Variants in ATG7 observed in about 807,000 individuals in gnomAD.
ATG7 encodes autophagy related 7, also known as ubiquitin-like modifier-activating enzyme ATG7.
Under a neutral mutation model 82.4 loss-of-function variants are expected in ATG7, and 70 were observed. The ratio of observed to expected loss-of-function variants is 0.85; its 90% CI spans 0.70 to 1.04. The LOEUF (loss-of-function observed/expected upper bound fraction) is 1.04. Ranked by LOEUF, ATG7 falls within the 50% of genes least tolerant of loss-of-function variation. ATG7 has a pLI of 0.00. For synonymous variants in ATG7, 287 were observed against 313.0 expected, an observed-to-expected ratio of 0.92 and a Z score of 0.88; for missense variants, 792 against 864.3, an observed-to-expected ratio of 0.92 and a Z score of 1.05.
chr3:11,515,340 G>A (rs1254785123), intron 20 of ATG7, among the ~76,000 whole-genome samples: 2 of 151,962 alleles, frequency 1.3e-5, no homozygotes, highest in Non-Finnish European at 2.9e-5. Flanking sequence ...GTCTCGCTCT[G>A]TTGCCTAGGC....
intron 20 of ATG7, among the ~76,000 whole-genome samples, chr3:11,440,929 C>T (rs2083883602): frequency 2.0e-5 from 3 of 151,940 alleles, no homozygotes; most frequent in Non-Finnish European, 2.9e-5. Context: ...GGTGATCCAC[C>T]TGCCTCGGCC....
chr3:11,559,274 G>C (rs2072744344), downstream of ATG7: 3 of 1,473,866 alleles, frequency 2.0e-6, no homozygotes, highest in African/African-American at 1.4e-5. Flanking sequence ...GCATGACAGA[G>C]AAGGGCTCTG....
At chr3:11,521,646 G>A (rs2092446031) in intron 20 of ATG7, among the ~76,000 whole-genome samples, 1 of 151,924 alleles carries the variant, frequency 6.6e-6, no homozygotes, top group East Asian at 1.9e-4. Flanking sequence ...TCCACCTCCT[G>A]GGTTCACGCC....
chr3:11,574,785 ATGTGTGTG>A, the ATG7 span, among the ~76,000 whole-genome samples: 5,220 of 121,726 alleles, frequency 0.043, 110 homozygotes, highest in Non-Finnish European at 0.057. Context: ...TCAACTATAT[ATGTGTGTG>A]TGTGTGTGTG....
chr3:11,378,027 A>ATTTTTTTTTTT (rs61176051), intron 18 of ATG7, among the ~76,000 whole-genome samples: 1,410 of 92,634 alleles, frequency 0.015, 273 homozygotes, highest in African/African-American at 0.073. Context: ...CCAGTTACCA[A>ATTTTTTTTTTT]TTTTTTTTTT....
At chr3:11,307,791 A>G (rs1028230816) in intron 6 of ATG7, among the ~76,000 whole-genome samples, 6 of 152,298 alleles carry the variant, frequency 3.9e-5, no homozygotes, top group African/African-American at 1.4e-4. Flanking sequence ...TCTTTATACC[A>G]GTCTTTATCA....
chr3:11,465,471 G>A (rs918392229), intron 20 of ATG7, among the ~76,000 whole-genome samples: 25 of 149,622 alleles, frequency 1.7e-4, no homozygotes, highest in African/African-American at 5.2e-4. Context: ...GAGCCTGTAA[G>A]TCTGGGTGCA....
At chr3:11,316,632 A>G (rs1484234576) in intron 9 of ATG7, among the ~76,000 whole-genome samples, 1 of 152,200 alleles carries the variant, frequency 6.6e-6, no homozygotes, top group Non-Finnish European at 1.5e-5. Flanking sequence ...CCAAGAGGGC[A>G]GGGCCCAAGT....
At chr3:11,354,088 C>T (rs2075760024) in intron 14 of ATG7, among the ~76,000 whole-genome samples, 1 of 152,142 alleles carries the variant, frequency 6.6e-6, no homozygotes, top group Non-Finnish European at 1.5e-5. Context: ...CGTATTCTGG[C>T]CCCAGACCTT....
intron 7 of ATG7, among the ~76,000 whole-genome samples, chr3:11,312,544 C>T (rs555812520): frequency 2.0e-4 from 30 of 152,338 alleles, no homozygotes; most frequent in African/African-American, 6.7e-4. Context: ...TGGCTCTAAT[C>T]ATGCACTCGC....
intron 18 of ATG7, among the ~76,000 whole-genome samples, chr3:11,371,110 G>T (rs1375445167): frequency 6.6e-6 from 1 of 151,150 alleles, no homozygotes; most frequent in Non-Finnish European, 1.5e-5. Context: ...CTGAACACAG[G>T]CATGGAATTC....
intron 20 of ATG7, 41 bp downstream of exon 20, chr3:11,426,967 C>T (rs2082414581): frequency 1.3e-6 from 2 of 1,516,772 alleles, no homozygotes; most frequent in South Asian, 1.3e-5. Context: ...GACTGACATG[C>T]TTAAAACTAT....
At chr3:11,535,893 A>G (rs145416657) in intron 20 of ATG7, among the ~76,000 whole-genome samples, 6 of 152,298 alleles carry the variant, frequency 3.9e-5, no homozygotes, top group African/African-American at 1.4e-4. Flanking sequence ...CCCCTAAAAC[A>G]GGAGCCCCAA....
At chr3:11,429,577 C>G (rs2082679459) in intron 20 of ATG7, among the ~76,000 whole-genome samples, 1 of 152,022 alleles carries the variant, frequency 6.6e-6, no homozygotes, top group Non-Finnish European at 1.5e-5. Flanking sequence ...ACATGCATCT[C>G]TTAATAGTGA....
At chr3:11,565,120 C>T in the ATG7 span, 1 of 1,187,218 alleles carries the variant, frequency 8.4e-7, no homozygotes, top group Non-Finnish European at 1.1e-6. This position sits in a 1 kb window ranked among gnomAD's most constrained non-coding sequence, Gnocchi z 4.1. Context: ...ATTTTTTACC[C>T]TGAAGCTCAG....
intron 20 of ATG7, among the ~76,000 whole-genome samples, chr3:11,516,297 T>C (rs149410126): frequency 0.015 from 2,256 of 152,122 alleles, 56 homozygotes; most frequent in African/African-American, 0.049. Context: ...GTAACAAACC[T>C]GCACGTTGTG....
rs111720127 is a variant in ATG7, at chr3:11,390,334, CAT to C, written c.1956+10283_1956+10284del. Among the ~76,000 whole-genome samples, 864 of 152,334 alleles carry C rather than the reference CAT, an allele frequency of 5.7e-3. 6 individuals are homozygous for C. Among genetic ancestry groups the C allele is most frequent in the African/African-American group, 0.019 (783 of 41,578 alleles). On this transcript the variant is annotated intron_variant, in intron 19 of 20. Transcript: ENST00000693202. ...TAATGTCTGAGTAAGAAAACAAAAA[CAT>C]GTGTCTCCCAGCTCTATTGGAGGAG...
chr3:11,449,163 A>G lies in ATG7; in HGVS notation c.2079+22237A>G, dbSNP rs546888122. 1.2e-4 allele frequency among the ~76,000 whole-genome samples: 18 copies of G among 152,336 alleles called. No individual in the cohort carries two copies. In the South Asian group the frequency reaches 3.5e-3, roughly 30 times the overall value. On this transcript the variant is annotated intron_variant, in intron 20 of 20. Coordinates refer to ENST00000693202, the MANE Select transcript of ATG7 (RefSeq NM_001349232.2). ...AGCGTGAGCTTGTAATGCAGAGGCC[A>G]CTGTCTCTGCCTTCACCATCTGCTA...
chr3:11,343,907 T>C (rs1485703211), intron 13 of ATG7, among the ~76,000 whole-genome samples: 1 of 152,210 alleles, frequency 6.6e-6, no homozygotes, highest in African/African-American at 2.4e-5. Flanking sequence ...TTAGAAGGGA[T>C]TGATGTATTT....
Sources: allele counts gnomAD v4.1 joint callset (sites outside exome capture counted in the v4.1 genomes callset), GRCh38; gene constraint gnomAD v4.1.1; non-coding constraint Gnocchi (gnomAD v3.1); transcripts MANE v1.5; gene names NCBI Gene and HGNC (gene_info 2026-07-23, HGNC 2026-07-21).